Variants in TRIM55 observed in about 807,000 individuals in gnomAD.
The protein encoded by TRIM55 is tripartite motif containing 55, also known as tripartite motif-containing protein 55.
Under a neutral mutation model 60.9 loss-of-function variants are expected in TRIM55, and 50 were observed. The observed-to-expected ratio is 0.82, with a 90% CI of 0.65 to 1.04. TRIM55 has a LOEUF of 1.04. Ranked by LOEUF, TRIM55 falls within the 50% of genes least tolerant of loss-of-function variation. TRIM55 has a pLI of 0.00. For synonymous variants in TRIM55, 237 were observed against 238.1 expected (o/e 1.00, Z 0.04); for missense variants, 681 against 666.9 (o/e 1.02, Z -0.23).
At chr8:66,117,789 T>G in the TRIM55 span, among the ~76,000 whole-genome samples, 1 of 152,164 alleles carries the variant, frequency 6.6e-6, no homozygotes, top group Non-Finnish European at 1.5e-5. Flanking sequence ...TGGGAAGACC[T>G]TGGGCTAAAG....
Position 66,161,365 on chromosome 8 carries a change from A to C in TRIM55, c.1524+7031A>C, listed in dbSNP as rs539536264. ...ATTTGGCTTTATTTCCGGGTTCTCT[A>C]TTCTGTTCCATTGGTCTATATGCCT... On this transcript the variant is annotated intron_variant, in intron 9 of 9. Coordinates refer to ENST00000315962, the MANE Select transcript of TRIM55 (RefSeq NM_184085.2). Among the ~76,000 whole-genome samples the C allele has an allele frequency of 1.4e-4, 22 of 152,190 alleles. No homozygotes were observed. In the South Asian group the frequency reaches 3.9e-3, roughly 27 times the overall value.
intron 2 of TRIM55, among the ~76,000 whole-genome samples, chr8:66,129,787 A>G (rs1336279576): frequency 6.6e-6 from 1 of 152,230 alleles, no homozygotes; most frequent in Non-Finnish European, 1.5e-5. Flanking sequence ...CGATTTTTGC[A>G]ATTACTTTTC....
intron 9 of TRIM55, among the ~76,000 whole-genome samples, 183 bp downstream of exon 9, chr8:66,154,517 TAAAAC>T (rs562309033): frequency 1.3e-5 from 2 of 152,282 alleles, no homozygotes; most frequent in East Asian, 1.9e-4. Flanking sequence ...AAAGAAAACA[TAAAAC>T]AAAACAAATT....
chr8:66,151,333 A>G (rs1810405809), intron 7 of TRIM55, among the ~76,000 whole-genome samples: 1 of 152,178 alleles, frequency 6.6e-6, no homozygotes, highest in Non-Finnish European at 1.5e-5. Flanking sequence ...AAATAATTGA[A>G]AAGTGAAAAA....
upstream of TRIM55, among the ~76,000 whole-genome samples, chr8:66,125,909 A>G (rs1332794671): frequency 6.6e-6 from 1 of 152,262 alleles, no homozygotes; most frequent in Non-Finnish European, 1.5e-5. Flanking sequence ...AGGAGAAAGA[A>G]AGCCGAAATT....
In TRIM55 at chr8:66,152,627, GGTAACCCCTCCTGA is replaced by G; in HGVS notation, c.1236+3_1236+16del. On this transcript the variant is annotated splice_donor_variant and splice_donor_5th_base_variant and intron_variant, in intron 8 of 9. Transcript: ENST00000315962. LOFTEE classifies it high-confidence loss of function. Reference sequence around the variant, plus strand: ...CTGCTGCGGATGCCCCTGTGACACAGGTAACCCCTCCTGAGTCTCTTTCTACAGGGCACATGGGC... The same window carrying G: ...CTGCTGCGGATGCCCCTGTGACACAGGTCTCTTTCTACAGGGCACATGGGC... 1.2e-6 allele frequency: 2 copies of G among 1,613,324 alleles called. No individual in the cohort carries two copies. The highest frequency in any genetic ancestry group is 1.7e-4 in the Middle Eastern group (1 of 6,028).
chr8:66,127,562 C>G lies in TRIM55; in HGVS notation c.168+126C>G, dbSNP rs925978364. On this transcript the variant is annotated intron_variant, in intron 1 of 9. Coordinates refer to ENST00000315962, the MANE Select transcript of TRIM55 (RefSeq NM_184085.2). The stretch of plus-strand genomic sequence containing the variant: ...TATAAGGTTGCCGGGCGCTTTGGCT[C>G]ACGCCTGTAGTCCCAGCACTTTGGG... The G allele has an allele frequency of 6.2e-6, 7 of 1,133,074 alleles. No homozygotes were observed. In the South Asian group the frequency reaches 8.7e-5, roughly 14 times the overall value. 70.2% of individuals were successfully genotyped at this position (1,133,074 alleles called of 1,614,324 possible).
chr8:66,139,026 A>G (rs1809648977), intron 4 of TRIM55, among the ~76,000 whole-genome samples: 1 of 152,176 alleles, frequency 6.6e-6, no homozygotes, highest in Non-Finnish European at 1.5e-5. Flanking sequence ...TATTCCTGAA[A>G]AGATCCATGA....
chr8:66,116,234 A>G, the TRIM55 span, among the ~76,000 whole-genome samples: 2 of 152,192 alleles, frequency 1.3e-5, no homozygotes. Flanking sequence ...TTATATTGAC[A>G]TGGGAAATGT....
At chr8:66,135,652 G>A (rs905345775) in intron 3 of TRIM55, among the ~76,000 whole-genome samples, 2 of 152,114 alleles carry the variant, frequency 1.3e-5, no homozygotes, top group African/African-American at 2.4e-5. Flanking sequence ...CTGATGACAT[G>A]CAGTTACAGA....
the TRIM55 span, chr8:66,113,453 C>T: frequency 6.6e-6 from 3 of 453,490 alleles, no homozygotes; most frequent in East Asian, 7.0e-5. Flanking sequence ...GATTCCGGCT[C>T]GAAGGAGACA....
At position 66,155,800 on chromosome 8, in the gene TRIM55, C is replaced by A. The variant is rs2128982507; in HGVS notation, c.1524+1466C>A. 3.2e-6 allele frequency: 3 copies of A among 933,948 alleles called. No homozygotes were observed. In the East Asian group the frequency reaches 7.4e-5, roughly 23 times the overall value. The allele number at this position is 933,948 out of a possible 1,614,324, so 57.9% of individuals were successfully genotyped here. A position where few individuals can be genotyped will look rare whatever the true frequency, so the allele number is the denominator to read the frequency against. ...CTATAGGCCCAGAGATTAATTTCTC[C>A]CCAAATCTTGAGGCTCAGTCCTCCC... On this transcript the variant is annotated intron_variant, in intron 9 of 9. Coordinates refer to ENST00000315962, the MANE Select transcript of TRIM55 (RefSeq NM_184085.2).
intron 8 of TRIM55, 24 bp from the exon 9 acceptor site, chr8:66,154,023 T>G (rs753443655): frequency 6.4e-7 from 1 of 1,564,368 alleles, no homozygotes; most frequent in South Asian, 1.2e-5. Context: ...TTCTTTACTT[T>G]TGAATTTATC....
At chr8:66,122,431 T>C (rs1374914465), upstream of TRIM55, among the ~76,000 whole-genome samples, 2 of 152,174 alleles carry the variant, frequency 1.3e-5, no homozygotes, top group African/African-American at 2.4e-5. Flanking sequence ...CATGTGTTGA[T>C]TGATGTCTCA....
At chr8:66,123,765 G>C (rs1386506339), upstream of TRIM55, among the ~76,000 whole-genome samples, 2 of 152,194 alleles carry the variant, frequency 1.3e-5, no homozygotes, top group Non-Finnish European at 2.9e-5. Context: ...GGCTGAGGTG[G>C]GGGGATTGCT....
intron 9 of TRIM55, among the ~76,000 whole-genome samples, chr8:66,166,142 G>A (rs1023492211): frequency 6.6e-6 from 1 of 152,174 alleles, no homozygotes; most frequent in African/African-American, 2.4e-5. Context: ...TACTAAAATT[G>A]TAGACTACAT....
At chr8:66,174,156 T>G (rs1811791053) in intron 9 of TRIM55, among the ~76,000 whole-genome samples, 1 of 151,170 alleles carries the variant, frequency 6.6e-6, no homozygotes, top group African/African-American at 2.4e-5. Context: ...GAATAAATCA[T>G]GTACAAGTGG....
chr8:66,167,245 T>TAG (rs1184980338), intron 9 of TRIM55, among the ~76,000 whole-genome samples: 1 of 152,184 alleles, frequency 6.6e-6, no homozygotes, highest in Non-Finnish European at 1.5e-5. Context: ...CTATAACTGA[T>TAG]AGTAATACTA....
chr8:66,126,550 A>G (rs1316929034), upstream of TRIM55, among the ~76,000 whole-genome samples: 1 of 152,214 alleles, frequency 6.6e-6, no homozygotes, highest in Admixed American at 6.5e-5. Flanking sequence ...TATTAGGTGG[A>G]TACCTTTATG....
Sources: gnomAD v4.1 joint callset for allele counts (sites outside exome capture counted in the v4.1 genomes callset) on GRCh38, gnomAD v4.1.1 for gene constraint, MANE v1.5 for transcripts, NCBI Gene and HGNC (gene_info 2026-07-23, HGNC 2026-07-21) for gene names.